The following CALCR variants were observed in gnomAD, a reference collection of about 807,000 sequenced individuals.
CALCR encodes calcitonin receptor.
A neutral mutation model predicts 59.5 loss-of-function variants in CALCR; 47 were observed. The observed-to-expected ratio is 0.79, with a 90% confidence interval of 0.63 to 1.01. The LOEUF (loss-of-function observed/expected upper bound fraction) is 1.01, where lower values mean the gene tolerates loss of function less well. Among genes scored for constraint, CALCR ranks in the 50% least tolerant of loss-of-function variants. The probability of loss-of-function intolerance (pLI) is 0.00; values close to 1 mark genes in which losing one functional copy is unlikely to be tolerated. For synonymous variants in CALCR, 213 were observed against 211.3 expected, an observed-to-expected ratio of 1.01 and a Z score of -0.07; for missense variants, 566 against 597.1, an observed-to-expected ratio of 0.95 and a Z score of 0.54.
chr7:93,506,729 C>T (rs1481005860), intron 2 of CALCR, among the ~76,000 whole-genome samples: 2 of 151,606 alleles, frequency 1.3e-5, no homozygotes, highest in African/African-American at 4.9e-5. Flanking sequence ...TTTTCCTATG[C>T]ATGAACTTTT....
intron 2 of CALCR, among the ~76,000 whole-genome samples, chr7:93,542,175 G>A (rs1789161003): frequency 6.6e-6 from 1 of 152,142 alleles, no homozygotes; most frequent in African/African-American, 2.4e-5. Flanking sequence ...TTGTCATTGT[G>A]CAAATATCAC....
chr7:93,497,464 T>C (rs1331953319), intron 2 of CALCR, among the ~76,000 whole-genome samples: 1 of 151,604 alleles, frequency 6.6e-6, no homozygotes, highest in African/African-American at 2.4e-5. Context: ...ATTCTCCTTT[T>C]ACACTTAGTT....
At chr7:93,478,550 C>T (rs1046501342) in intron 4 of CALCR, among the ~76,000 whole-genome samples, 16 of 151,528 alleles carry the variant, frequency 1.1e-4, no homozygotes, top group Non-Finnish European at 2.2e-4. Flanking sequence ...ATTTGCTGGG[C>T]ATGGTGGCAT....
chr7:93,461,981 T>A, intron 7 of CALCR: 1 of 814,792 alleles, frequency 1.2e-6, no homozygotes, highest in Non-Finnish European at 2.0e-6. Flanking sequence ...AATATCTTCA[T>A]GGAATAAAGT....
intron 2 of CALCR, among the ~76,000 whole-genome samples, chr7:93,549,356 A>G (rs769178242): frequency 1.2e-4 from 18 of 152,116 alleles, no homozygotes; most frequent in African/African-American, 1.7e-4. Context: ...CCTTTTCTCA[A>G]CTAGGGAAGG....
intron 8 of CALCR, among the ~76,000 whole-genome samples, chr7:93,449,391 G>T (rs954686976): frequency 1.3e-5 from 2 of 151,952 alleles, no homozygotes; most frequent in Non-Finnish European, 2.9e-5. Flanking sequence ...AATTGGCCAG[G>T]TTAATTTTTT....
intron 2 of CALCR, among the ~76,000 whole-genome samples, chr7:93,565,320 C>A (rs941225776): frequency 2.0e-5 from 3 of 152,176 alleles, no homozygotes; most frequent in African/African-American, 7.2e-5. Context: ...TATAGCATTA[C>A]TTCAAATGCT....
chr7:93,481,803 A>G (rs958847691), intron 3 of CALCR, among the ~76,000 whole-genome samples: 1 of 151,930 alleles, frequency 6.6e-6, no homozygotes, highest in East Asian at 1.9e-4. Context: ...GAAAGTAATG[A>G]ACCCATAAAA....
In CALCR at chr7:93,428,075, C is replaced by T. The variant is rs114022428; in HGVS notation, c.1192-1486G>A. Among the ~76,000 whole-genome samples the T allele has an allele frequency of 7.4e-3, 1,133 of 152,102 alleles. 21 individuals are homozygous for T. Among genetic ancestry groups the T allele is most frequent in the African/African-American group, 0.025 (1,056 of 41,486 alleles). ...ACTTTATATCTAAAGTGATTTAAAA[C>T]GGACAAAGACAAAAACTTTAAGTGC... On this transcript the variant is annotated intron_variant, in intron 13 of 13. Transcript: ENST00000426151.
rs138197196 is a variant in CALCR, at chr7:93,459,209, T to C, written c.648+1612A>G. ...TTTTAAAAAATTAATCTGGTAGATG[T>C]GGAAAACTAATCAACCAGTTTGGTG... On this transcript the variant is annotated intron_variant, in intron 8 of 13. Transcript: ENST00000426151. 3.0e-3 allele frequency among the ~76,000 whole-genome samples: 451 copies of C among 152,268 alleles called. 18 individuals carry two copies. The East Asian group carries it at 0.075, about 25-fold the overall frequency.
intron 9 of CALCR, among the ~76,000 whole-genome samples, chr7:93,438,826 C>T (rs1422382056): frequency 1.3e-5 from 2 of 151,952 alleles, no homozygotes; most frequent in South Asian, 2.1e-4. Flanking sequence ...CATTCCCTAC[C>T]TTCTGTAGGT....
chr7:93,553,826 G>C (rs1164198930), intron 2 of CALCR, among the ~76,000 whole-genome samples: 1 of 152,106 alleles, frequency 6.6e-6, no homozygotes, highest in East Asian at 1.9e-4. Context: ...AAGGATGTCT[G>C]TGTGATCCAA....
intron 2 of CALCR, among the ~76,000 whole-genome samples, chr7:93,515,484 T>G (rs1005220720): frequency 2.0e-5 from 3 of 152,062 alleles, no homozygotes; most frequent in African/African-American, 4.8e-5. Flanking sequence ...TACATCATTG[T>G]GATTATTATG....
intron 2 of CALCR, among the ~76,000 whole-genome samples, chr7:93,555,267 T>C (rs2116244506): frequency 6.6e-6 from 1 of 152,222 alleles, no homozygotes; most frequent in Non-Finnish European, 1.5e-5. Context: ...AAGGGGACTT[T>C]TATCTGATCA....
intron 2 of CALCR, among the ~76,000 whole-genome samples, chr7:93,542,215 T>C (rs1398245048): frequency 1.3e-5 from 2 of 152,178 alleles, no homozygotes; most frequent in African/African-American, 4.8e-5. Flanking sequence ...CTAGGTGATA[T>C]AGCTTACTAC....
intron 2 of CALCR, among the ~76,000 whole-genome samples, chr7:93,518,383 A>G (rs1801690058): frequency 6.6e-6 from 1 of 151,876 alleles, no homozygotes; most frequent in South Asian, 2.1e-4. Flanking sequence ...CTATTCAAAT[A>G]TGAAAAAACT....
chr7:93,430,781 A>G (rs1244666051), intron 13 of CALCR, among the ~76,000 whole-genome samples: 3 of 152,156 alleles, frequency 2.0e-5, no homozygotes, highest in Non-Finnish European at 4.4e-5. Flanking sequence ...TGAATAGGAA[A>G]CTGCTGCTGG....
At chr7:93,500,212 G>C (rs1801293384) in intron 2 of CALCR, among the ~76,000 whole-genome samples, 1 of 151,826 alleles carries the variant, frequency 6.6e-6, no homozygotes, top group Admixed American at 6.6e-5. Flanking sequence ...TTCCTAGTTG[G>C]CTTCAATATT....
intron 2 of CALCR, among the ~76,000 whole-genome samples, chr7:93,571,392 TGAC>T (rs983556935): frequency 9.2e-5 from 14 of 152,132 alleles, no homozygotes; most frequent in African/African-American, 2.9e-4. Context: ...TTTGAATGAA[TGAC>T]ATTTAAAAAA....
Sources: gnomAD v4.1 joint callset for allele counts (sites outside exome capture counted in the v4.1 genomes callset) on GRCh38, gnomAD v4.1.1 for gene constraint, MANE v1.5 for transcripts, NCBI Gene and HGNC (gene_info 2026-07-23, HGNC 2026-07-21) for gene names.